POC1B: variants seen among roughly 807,000 people sequenced by gnomAD.
POC1B encodes the protein POC1 centriolar protein homolog B.
POC1B carries 44 observed loss-of-function variants against 60.6 expected under a neutral mutation model. The observed-to-expected ratio is 0.73, with a 90% CI of 0.57 to 0.93. The LOEUF is 0.93. Ranked by LOEUF, POC1B falls within the 40% of genes least tolerant of loss-of-function variation. The probability of loss-of-function intolerance (pLI) is 0.00; values close to 1 mark genes in which losing one functional copy is unlikely to be tolerated. For missense variants in POC1B, 555 were observed against 572.3 expected, an observed-to-expected ratio of 0.97 and a Z score of 0.31; for synonymous variants, 180 against 198.9, an observed-to-expected ratio of 0.90 and a Z score of 0.80.
intron 10 of POC1B, among the ~76,000 whole-genome samples, chr12:89,436,935 C>A (rs1485387544): frequency 6.6e-6 from 1 of 152,170 alleles, no homozygotes. Context: ...GGATGCTCCA[C>A]ACCCAACTCC....
intron 11 of POC1B, among the ~76,000 whole-genome samples, chr12:89,423,272 C>T (rs1410080261): frequency 1.3e-5 from 2 of 152,006 alleles, no homozygotes; most frequent in Admixed American, 6.6e-5. Flanking sequence ...TTTAGACGAG[C>T]CTAGGCAACA....
intron 10 of POC1B, among the ~76,000 whole-genome samples, chr12:89,432,575 G>T (rs1290347703): frequency 6.6e-6 from 1 of 152,078 alleles, no homozygotes. Flanking sequence ...ACTCTAGTGG[G>T]TGAAGGAGAA....
the POC1B span, among the ~76,000 whole-genome samples, chr12:89,413,944 T>C: frequency 6.6e-6 from 1 of 152,196 alleles, no homozygotes; most frequent in Admixed American, 6.5e-5. Flanking sequence ...CAGGCTGGTG[T>C]GCAGTGGCAC....
intron 2 of POC1B, chr12:89,519,803 A>AT (rs11379713): frequency 0.72 from 108,924 of 151,992 alleles, 39,132 homozygotes; most frequent in Middle Eastern, 0.82. Flanking sequence ...TGGTGACTAG[A>AT]TTTTTTTTAA....
chr12:89,525,694 G>T, intron 1 of POC1B, 187 bp downstream of exon 1: 1 of 1,255,212 alleles, frequency 8.0e-7, no homozygotes, highest in Non-Finnish European at 1.0e-6. Context: ...CCGGGTCTGG[G>T]TTCCGCACTC....
Position 89,513,250 on chromosome 12 carries a change from G to GAAA in POC1B, c.100+11867_100+11869dup, listed in dbSNP as rs58165369. 1.4e-3 allele frequency among the ~76,000 whole-genome samples: 180 copies of GAAA among 129,114 alleles called. 2 individuals are homozygous for GAAA. Among genetic ancestry groups the GAAA allele is most frequent in the African/African-American group, 4.7e-3 (163 of 34,388 alleles). The allele number at this position is 129,114 out of a possible 152,430, so 84.7% of individuals were successfully genotyped here. ...CCACATAGGCTGCCATCAAGAATTT[G>GAAA]AAAAAAAAAAAAAAAAAGAATTCTT... is the stretch of plus-strand genomic sequence containing the variant. On this transcript the variant is annotated intron_variant, in intron 2 of 11. Coordinates refer to ENST00000313546, the MANE Select transcript of POC1B (RefSeq NM_172240.3).
Position 89,523,933 on chromosome 12 carries a change from C to T in POC1B, c.100+1187G>A. 2 of 1,611,970 alleles carry T rather than the reference C, an allele frequency of 1.2e-6. No individual in the cohort carries two copies. Among genetic ancestry groups the T allele is most frequent in the Non-Finnish European group, 1.7e-6 (2 of 1,179,048 alleles). On this transcript the variant is annotated intron_variant, in intron 2 of 11. Transcript: ENST00000313546. ...CCCAATCAGACGGGCCCTAACCAGC[C>T]CCTCTCGCTTATTGGTCCTAATCAA...
chr12:89,468,816 T>A lies in POC1B; in HGVS notation c.811-1131A>T, dbSNP rs531051871. ...GCAGAACCTGTGAAAAAGAAACTCTTCTCTTCTAGACCACAAGGCTCATTC... is the reference window on the plus strand; with the variant it reads ...GCAGAACCTGTGAAAAAGAAACTCTACTCTTCTAGACCACAAGGCTCATTC... On this transcript the variant is annotated intron_variant, in intron 7 of 11. Transcript: ENST00000313546. Among the ~76,000 whole-genome samples the A allele has an allele frequency of 2.6e-5, 4 of 152,198 alleles. No homozygotes were observed. The South Asian group carries it at 8.3e-4, about 32-fold the overall frequency.
At chr12:89,455,137 C>T (rs1423490086) in intron 10 of POC1B, among the ~76,000 whole-genome samples, 1 of 152,086 alleles carries the variant, frequency 6.6e-6, no homozygotes, top group Non-Finnish European at 1.5e-5. Context: ...AGTTCGAGAC[C>T]AGCTTGGCCA....
At chr12:89,479,735 A>C (rs1020734316) in intron 4 of POC1B, among the ~76,000 whole-genome samples, 1 of 152,138 alleles carries the variant, frequency 6.6e-6, no homozygotes, top group African/African-American at 2.4e-5. Flanking sequence ...TTAATTACTT[A>C]AGTCCATGGC....
At chr12:89,403,212 T>G in the POC1B span, among the ~76,000 whole-genome samples, 1 of 152,168 alleles carries the variant, frequency 6.6e-6, no homozygotes, top group South Asian at 2.1e-4. Context: ...TTCACCATGT[T>G]GGCCAGGCTG....
chr12:89,500,336 C>T lies in POC1B; in HGVS notation c.101-2994G>A. 2.6e-6 allele frequency: 4 copies of T among 1,510,202 alleles called. No individual in the cohort carries two copies. The South Asian group carries it at 3.4e-5, about 13-fold the overall frequency. The allele number at this position is 1,510,202 out of a possible 1,614,324, so 93.6% of individuals were successfully genotyped here. ...ACCAAGCAAAGAGTGCCAGAAATCA[C>T]ATCCAAAGTCAGTTCCACTTTCTTC... On this transcript the variant is annotated intron_variant, in intron 2 of 11. Coordinates refer to ENST00000313546, the MANE Select transcript of POC1B (RefSeq NM_172240.3).
At chr12:89,457,912 T>C (rs1882322050) in intron 10 of POC1B, among the ~76,000 whole-genome samples, 1 of 152,182 alleles carries the variant, frequency 6.6e-6, no homozygotes, top group Non-Finnish European at 1.5e-5. Flanking sequence ...AGATGTATAC[T>C]ACAACAGACA....
chr12:89,477,736 C>A (rs1006884482), intron 4 of POC1B, among the ~76,000 whole-genome samples: 8 of 152,268 alleles, frequency 5.3e-5, no homozygotes, highest in African/African-American at 1.7e-4. Flanking sequence ...AATCTTAAAT[C>A]AAACTGGGTC....
chr12:89,436,830 A>G (rs1881289865), intron 10 of POC1B, among the ~76,000 whole-genome samples: 1 of 152,210 alleles, frequency 6.6e-6, no homozygotes, highest in Non-Finnish European at 1.5e-5. Context: ...CATAATCATT[A>G]TCGAATACTA....
chr12:89,516,586 A>G (rs536292017), intron 2 of POC1B, among the ~76,000 whole-genome samples: 42 of 152,258 alleles, frequency 2.8e-4, no homozygotes, highest in African/African-American at 9.9e-4. Context: ...AATCCCTCCA[A>G]CAATTTCCAC....
At chr12:89,418,597 CA>C, downstream of POC1B, among the ~76,000 whole-genome samples, 1 of 152,218 alleles carries the variant, frequency 6.6e-6, no homozygotes, top group South Asian at 2.1e-4. Context: ...TTGTTTGGGT[CA>C]TGGGGGTGGA....
At chr12:89,410,390 C>T in the POC1B span, among the ~76,000 whole-genome samples, 1 of 151,958 alleles carries the variant, frequency 6.6e-6, no homozygotes, top group Admixed American at 6.6e-5. Flanking sequence ...CTTTGAAAAC[C>T]GGCACAAGGT....
At chr12:89,460,110 C>A (rs1882429293) in intron 9 of POC1B, 15 of 307,750 alleles carry the variant, frequency 4.9e-5, no homozygotes, top group South Asian at 4.1e-4. Context: ...TATTCTCATT[C>A]ATATATAATG....
Sources: gnomAD v4.1 joint callset for allele counts (sites outside exome capture counted in the v4.1 genomes callset) on GRCh38, gnomAD v4.1.1 for gene constraint, MANE v1.5 for transcripts, NCBI Gene and HGNC (gene_info 2026-07-23, HGNC 2026-07-21) for gene names.